TENM3: variants seen among roughly 807,000 people sequenced by gnomAD.
The protein encoded by TENM3 is teneurin transmembrane protein 3.
A neutral mutation model predicts 255.1 loss-of-function variants in TENM3; 63 were observed. That is an observed-to-expected ratio of 0.25 (90% CI 0.20 to 0.30). The LOEUF (loss-of-function observed/expected upper bound fraction) is 0.30. TENM3 is among the 10% of genes least tolerant of loss of function. TENM3 has a pLI of 1.00. For synonymous variants in TENM3, 1,306 were observed against 1,322.3 expected, an observed-to-expected ratio of 0.99 and a Z score of 0.27; for missense variants, 2,929 against 3,461.1, an observed-to-expected ratio of 0.85 and a Z score of 3.86.
At chr4:181,502,874 G>C in the TENM3 span, among the ~76,000 whole-genome samples, 2 of 152,172 alleles carry the variant, frequency 1.3e-5, no homozygotes, top group Admixed American at 1.3e-4. Context: ...GGAGCAAGCA[G>C]AGCAAGAGTG....
intron 3 of TENM3, among the ~76,000 whole-genome samples, chr4:182,445,801 T>C (rs1056455958): frequency 1.3e-5 from 2 of 152,164 alleles, no homozygotes; most frequent in African/African-American, 4.8e-5. Context: ...GCCACATAAT[T>C]CAATATATTT....
At chr4:181,863,707 A>G in the TENM3 span, among the ~76,000 whole-genome samples, 1 of 151,970 alleles carries the variant, frequency 6.6e-6, no homozygotes, top group Non-Finnish European at 1.5e-5. Flanking sequence ...TACTTATGAA[A>G]CTTTTTGTGT....
chr4:181,873,405 A>T, the TENM3 span, among the ~76,000 whole-genome samples: 2 of 151,978 alleles, frequency 1.3e-5, no homozygotes, highest in African/African-American at 4.8e-5. Context: ...TTTTCCTTGA[A>T]TCTCTGCTTT....
intron 3 of TENM3, among the ~76,000 whole-genome samples, chr4:182,473,737 G>A (rs562203736): frequency 2.6e-5 from 4 of 152,122 alleles, no homozygotes; most frequent in African/African-American, 4.8e-5. Context: ...TTTGGAGGCC[G>A]AGGTGGGAGG....
chr4:181,899,282 A>T, the TENM3 span, among the ~76,000 whole-genome samples: 2 of 152,096 alleles, frequency 1.3e-5, no homozygotes, highest in Non-Finnish European at 2.9e-5. Flanking sequence ...TCAGAAGTTA[A>T]AAGTAAAAAA....
chr4:181,980,841 G>T, the TENM3 span, among the ~76,000 whole-genome samples: 1 of 151,892 alleles, frequency 6.6e-6, no homozygotes, highest in Non-Finnish European at 1.5e-5. Flanking sequence ...TGAAACTTAC[G>T]CCTATTTTTT....
At chr4:181,605,534 G>GAAAGAAAGAAAA in the TENM3 span, among the ~76,000 whole-genome samples, 1 of 22,190 alleles carries the variant, frequency 4.5e-5, no homozygotes, top group Non-Finnish European at 1.2e-4. Flanking sequence ...AAGAAAGAAA[G>GAAAGAAAGAAAA]AAAGAAAGAA....
chr4:182,321,901 C>T (rs766448701), intron 1 of TENM3, among the ~76,000 whole-genome samples: 7 of 144,448 alleles, frequency 4.8e-5, no homozygotes, highest in Admixed American at 1.4e-4. Flanking sequence ...GCCAAGAGCG[C>T]GCCACTGCAC....
intron 3 of TENM3, among the ~76,000 whole-genome samples, chr4:182,369,067 A>C (rs28684807): frequency 0.042 from 6,369 of 152,282 alleles, 234 homozygotes; most frequent in African/African-American, 0.094. Context: ...AAGCATTTTG[A>C]AAACAGCCAT....
chr4:181,831,873 C>CA, the TENM3 span, among the ~76,000 whole-genome samples: 7 of 151,510 alleles, frequency 4.6e-5, no homozygotes, highest in African/African-American at 1.7e-4. Context: ...ACTAAGAGTC[C>CA]AAAAAGATCC....
the TENM3 span, among the ~76,000 whole-genome samples, chr4:181,802,620 G>A: frequency 5.9e-5 from 9 of 152,148 alleles, no homozygotes; most frequent in African/African-American, 2.2e-4. Flanking sequence ...CTATCTTGAT[G>A]CACTTTTCCT....
intron 18 of TENM3, among the ~76,000 whole-genome samples, chr4:182,739,259 A>T (rs946299000): frequency 6.6e-6 from 1 of 152,178 alleles, no homozygotes; most frequent in African/African-American, 2.4e-5. Flanking sequence ...AGACCAAAAG[A>T]GGAGTATTTG....
chr4:181,523,521 C>T, the TENM3 span, among the ~76,000 whole-genome samples: 1 of 152,054 alleles, frequency 6.6e-6, no homozygotes, highest in Non-Finnish European at 1.5e-5. Flanking sequence ...ACTCAGCCCT[C>T]ATTCCGTTGT....
chr4:182,619,851 C>A (rs1749930056), intron 4 of TENM3, among the ~76,000 whole-genome samples: 1 of 152,188 alleles, frequency 6.6e-6, no homozygotes, highest in African/African-American at 2.4e-5. Flanking sequence ...TGGAGGCAGG[C>A]TCCGTGCAGG....
intron 22 of TENM3, among the ~76,000 whole-genome samples, chr4:182,761,028 CACTG>C (rs1763148424): frequency 6.7e-6 from 1 of 148,156 alleles, no homozygotes; most frequent in South Asian, 2.2e-4. Context: ...TTCTTGTTGA[CACTG>C]ACTCCTATTA....
chr4:181,497,087 C>T, the TENM3 span, among the ~76,000 whole-genome samples: 3 of 152,090 alleles, frequency 2.0e-5, no homozygotes, highest in Admixed American at 6.6e-5. Flanking sequence ...AAGTAGCTCA[C>T]GACTTTTTCT....
At chr4:181,978,333 C>T in the TENM3 span, among the ~76,000 whole-genome samples, 7 of 152,024 alleles carry the variant, frequency 4.6e-5, no homozygotes, top group East Asian at 3.9e-4. Context: ...AGTGAAGCAT[C>T]GATTTTGACA....
the TENM3 span, among the ~76,000 whole-genome samples, chr4:181,783,180 A>G: frequency 6.6e-6 from 1 of 151,960 alleles, no homozygotes; most frequent in South Asian, 2.1e-4. Flanking sequence ...TATCCTTGTT[A>G]AGTTTCTGTC....
chr4:182,164,201 C>T (rs1303106683), intron 1 of TENM3, among the ~76,000 whole-genome samples: 1 of 152,160 alleles, frequency 6.6e-6, no homozygotes, highest in African/African-American at 2.4e-5. Context: ...TTGCATGTCT[C>T]AGGCTCCCAA....
Sources: gnomAD v4.1 joint callset for allele counts (sites outside exome capture counted in the v4.1 genomes callset) on GRCh38, gnomAD v4.1.1 for gene constraint, MANE v1.5 for transcripts, NCBI Gene and HGNC (gene_info 2026-07-23, HGNC 2026-07-21) for gene names.